RASSF3: variants seen among roughly 807,000 people sequenced by gnomAD.
RASSF3 encodes Ras association domain family member 3, also known as ras association domain-containing protein 3.
In RASSF3, 19 loss-of-function variants were observed where a neutral mutation model predicts 19.9. That is an observed-to-expected ratio of 0.96 (90% CI 0.67 to 1.40). The LOEUF (loss-of-function observed/expected upper bound fraction) is 1.40. Among genes scored for constraint, RASSF3 ranks in the 40% most tolerant of loss-of-function variants. The pLI, the probability that RASSF3 is intolerant of heterozygous loss-of-function variation, is 0.00. For missense variants in RASSF3, 306 were observed against 289.8 expected (o/e 1.06, Z -0.41); for synonymous variants, 110 against 104.2 (o/e 1.06, Z -0.34).
chr12:64,695,911 A>C lies in RASSF3; in HGVS notation c.*999A>C, dbSNP rs1868350084. 6.6e-6 allele frequency: 1 copy of C among 152,234 alleles called. No individual in the cohort carries two copies. The allele number at this position is 152,234 out of a possible 1,614,324, so 9.4% of individuals were successfully genotyped here. ...GCTTTCCCCCCACAGGTGGTTTTCA[A>C]AGTTGAGACGGAATTTGGGTAGGGG... On this transcript the variant is annotated 3_prime_UTR_variant, in exon 5 of 5. Transcript: ENST00000542104.
intron 1 of RASSF3, among the ~76,000 whole-genome samples, chr12:64,533,920 G>A (rs757584675): frequency 3.3e-5 from 5 of 152,138 alleles, no homozygotes; most frequent in Non-Finnish European, 5.9e-5. Context: ...CGGGAAATGG[G>A]TAGATCTTTA....
intron 1 of RASSF3, among the ~76,000 whole-genome samples, chr12:64,626,506 GAAA>G (rs891394836): frequency 1.5e-5 from 2 of 136,126 alleles, no homozygotes; most frequent in Non-Finnish European, 3.2e-5. Flanking sequence ...AAAAAAAAAA[GAAA>G]AAAAAAGAAA....
chr12:64,657,489 C>T (rs1021416046), intron 1 of RASSF3, among the ~76,000 whole-genome samples: 2 of 152,148 alleles, frequency 1.3e-5, no homozygotes, highest in African/African-American at 4.8e-5. Context: ...AGTAAAATCA[C>T]TTTGATGAAA....
At chr12:64,688,890 A>G (rs1004449822) in intron 3 of RASSF3, among the ~76,000 whole-genome samples, 1 of 152,078 alleles carries the variant, frequency 6.6e-6, no homozygotes, top group Non-Finnish European at 1.5e-5. Context: ...GCGACTGGGG[A>G]GGCACATGTG....
At position 64,663,757 on chromosome 12, in the gene RASSF3, C is replaced by T. The variant is rs529930814; in HGVS notation, c.112-21030C>T. Among the ~76,000 whole-genome samples, 11 of 151,732 alleles carry T rather than the reference C, an allele frequency of 7.2e-5. No homozygotes were observed. The East Asian group carries it at 1.9e-3, about 27-fold the overall frequency. ...CTGACCTCAGGTGATCTGCCCACCT[C>T]GGCCTCTCAAAGTGCTGGGATTACA... is the stretch of plus-strand genomic sequence containing the variant. On this transcript the variant is annotated intron_variant, in intron 1 of 4. Coordinates refer to ENST00000542104, the MANE Select transcript of RASSF3 (RefSeq NM_178169.4).
At chr12:64,694,370 G>A (rs1158504448) in intron 4 of RASSF3, among the ~76,000 whole-genome samples, 1 of 152,222 alleles carries the variant, frequency 6.6e-6, no homozygotes, top group Non-Finnish European at 1.5e-5. Context: ...GGGGTGATAA[G>A]ACTGATTATG....
intron 2 of RASSF3, among the ~76,000 whole-genome samples, chr12:64,576,102 A>C (rs1490471261): frequency 6.6e-6 from 1 of 152,048 alleles, no homozygotes; most frequent in Non-Finnish European, 1.5e-5. Flanking sequence ...TTAAAGCAAG[A>C]ATAGTTAAAG....
At chr12:64,636,002 T>G (rs1354072333) in intron 1 of RASSF3, among the ~76,000 whole-genome samples, 1 of 152,222 alleles carries the variant, frequency 6.6e-6, no homozygotes, top group Non-Finnish European at 1.5e-5. Context: ...ACTGATTACA[T>G]TCATTGTTAT....
At chr12:64,582,063 T>G (rs1317440819) in intron 2 of RASSF3, among the ~76,000 whole-genome samples, 2 of 151,840 alleles carry the variant, frequency 1.3e-5, no homozygotes, top group African/African-American at 4.8e-5. Context: ...GTTGCCCAGG[T>G]GGGGGTCTCA....
At chr12:64,622,471 T>TTTAA (rs1565852579) in intron 1 of RASSF3, 1 of 531,290 alleles carries the variant, frequency 1.9e-6, no homozygotes, top group South Asian at 1.4e-5. Flanking sequence ...ATAGGCTTAC[T>TTTAA]GTCTTTTGTT....
At chr12:64,571,231 T>C (rs1476403904) in intron 2 of RASSF3, among the ~76,000 whole-genome samples, 1 of 151,858 alleles carries the variant, frequency 6.6e-6, no homozygotes, top group Non-Finnish European at 1.5e-5. Context: ...AAAATAAAAA[T>C]AAAAACAAAA....
chr12:64,582,280 A>T (rs1255460502), intron 2 of RASSF3, among the ~76,000 whole-genome samples: 1 of 151,850 alleles, frequency 6.6e-6, no homozygotes, highest in Non-Finnish European at 1.5e-5. Flanking sequence ...CGTTGCCACC[A>T]CCCTGCCCAG....
intron 1 of RASSF3, chr12:64,507,537 T>G: frequency 2.8e-6 from 1 of 362,596 alleles, no homozygotes; most frequent in Non-Finnish European, 4.9e-6. Flanking sequence ...TTAGAAGCCA[T>G]GAACATTGTT....
chr12:64,680,646 C>T (rs1016053415), intron 1 of RASSF3, among the ~76,000 whole-genome samples: 4 of 152,032 alleles, frequency 2.6e-5, no homozygotes, highest in Non-Finnish European at 5.9e-5. Flanking sequence ...CAGAGTCTCG[C>T]TCTGTCGCCC....
chr12:64,573,035 C>T (rs1193629299), intron 2 of RASSF3, among the ~76,000 whole-genome samples: 1 of 152,162 alleles, frequency 6.6e-6, no homozygotes, highest in Non-Finnish European at 1.5e-5. Flanking sequence ...GTACCCAGCC[C>T]AAAATGCAAT....
In RASSF3 at chr12:64,516,749, T is replaced by C. The variant is rs374938662; in HGVS notation, c.169+9420T>C. On this transcript the variant is annotated intron_variant, in intron 1 of 5. Coordinates refer to the RASSF3 transcript ENST00000637125. ...GTGCAGTGGCTCACACCTGCAATCC[T>C]AGCACTTTGGGAGGCCGAGGCGGGT... 2.3e-3 allele frequency among the ~76,000 whole-genome samples: 340 copies of C among 147,636 alleles called. 8 individuals are homozygous for C. The highest frequency in any genetic ancestry group is 0.013 in the East Asian group (60 of 4,784).
chr12:64,597,487 C>T (rs183326102), intron 2 of RASSF3, among the ~76,000 whole-genome samples: 53 of 148,874 alleles, frequency 3.6e-4, no homozygotes, highest in Non-Finnish European at 5.4e-4. Context: ...GACAGAGTCT[C>T]GCTCTATTGC....
intron 1 of RASSF3, among the ~76,000 whole-genome samples, chr12:64,635,682 C>G (rs1871306961): frequency 6.6e-6 from 1 of 152,172 alleles, no homozygotes. Flanking sequence ...GGTGTGAGAG[C>G]ACAGGCTTTT....
At chr12:64,516,998 C>CAAAAAAAAA (rs371430838) in intron 1 of RASSF3, among the ~76,000 whole-genome samples, 1 of 51,966 alleles carries the variant, frequency 1.9e-5, no homozygotes, top group Non-Finnish European at 3.8e-5. Context: ...AAATCTGTCT[C>CAAAAAAAAA]AAAAAAAAAA....
Sources: gnomAD v4.1 joint callset for allele counts (sites outside exome capture counted in the v4.1 genomes callset) on GRCh38, gnomAD v4.1.1 for gene constraint, MANE v1.5 for transcripts, NCBI Gene and HGNC (gene_info 2026-07-23, HGNC 2026-07-21) for gene names.